ABCG2: variants seen among roughly 807,000 people sequenced by gnomAD.
The protein encoded by ABCG2 is broad substrate specificity ATP-binding cassette transporter ABCG2.
Under a neutral mutation model 73.5 loss-of-function variants are expected in ABCG2, and 80 were observed. The ratio of observed to expected loss-of-function variants is 1.09; its 90% confidence interval spans 0.91 to 1.31. The LOEUF is 1.31. Among genes scored for constraint, ABCG2 ranks in the 50% most tolerant of loss-of-function variants. The pLI is 0.00. For missense variants in ABCG2, 796 were observed against 786.2 expected (o/e 1.01, Z -0.15); for synonymous variants, 269 against 282.4 (o/e 0.95, Z 0.48).
chr4:88,225,136 G>T (rs892746554), intron 1 of ABCG2, among the ~76,000 whole-genome samples: 7 of 152,146 alleles, frequency 4.6e-5, no homozygotes, highest in African/African-American at 1.7e-4. Context: ...AGTTCAAAGA[G>T]TTACAGCAGG....
chr4:88,179,865 T>C lies in ABCG2; in HGVS notation c.-19-39851A>G, dbSNP rs543828520. On this transcript the variant is annotated intron_variant, in intron 1 of 15. Transcript: ENST00000515655. ...AACGAGTGAGCTTGAAGACAGGCTATTTGAAAATACACAGGCAGAGAACAC... is the reference window on the plus strand; with the variant it reads ...AACGAGTGAGCTTGAAGACAGGCTACTTGAAAATACACAGGCAGAGAACAC... Among the ~76,000 whole-genome samples, 8 of 152,186 alleles carry C rather than the reference T, an allele frequency of 5.3e-5. No homozygotes were observed. The South Asian group carries it at 1.2e-3, about 24-fold the overall frequency.
intron 1 of ABCG2, among the ~76,000 whole-genome samples, chr4:88,204,210 A>C (rs1257430416): frequency 6.6e-6 from 1 of 151,994 alleles, no homozygotes; most frequent in African/African-American, 2.4e-5. Flanking sequence ...TCACGGGGTC[A>C]AAAGATCGAG....
chr4:88,152,557 GA>G (rs1165728727), intron 1 of ABCG2, among the ~76,000 whole-genome samples: 2 of 152,156 alleles, frequency 1.3e-5, no homozygotes, highest in Non-Finnish European at 2.9e-5. Flanking sequence ...GAGCCAGAAT[GA>G]GCCAGGAGAA....
chr4:88,131,212 T>A lies in ABCG2; in HGVS notation c.380A>T (p.Asp127Val). The change falls in exon 5 of 16, where the codon GAT becomes GTT. Residue 127 changes from aspartate to valine, a missense_variant and splice_region_variant. Asp to Val is a radical substitution (Grantham distance 152). Transcript: ENST00000237612. ...CGTCAGAGTGCCCATCACAACATCA[T>A]CCTTAAGGCAAATAGCATTTTAATG... Reference protein sequence around the residue: ...FKCNSGYVVQDDVVMGTLTVR... With the variant: ...FKCNSGYVVQVDVVMGTLTVR... 6.2e-7 allele frequency: 1 copy of A among 1,613,842 alleles called. No homozygotes were observed. The highest frequency in any genetic ancestry group is 8.5e-7 in the Non-Finnish European group (1 of 1,179,860).
In ABCG2 at chr4:88,099,431, C is replaced by A. The variant is rs764868968; in HGVS notation, c.1385G>T (p.Gly462Val). ...GAAATAAGATGACACTCTGTAGTAT[C>A]CGCTGATGTATTCATGTCTATAGAA... Reference protein sequence around the residue: ...KKLFIHEYISGYYRVSSYFLG... With the variant: ...KKLFIHEYISVYYRVSSYFLG... The change falls in exon 12 of 16, where the codon GGA (glycine) becomes GTA (valine). Residue 462 changes from glycine to valine, a missense_variant. Physicochemically the swap from Gly to Val is moderately radical, Grantham distance 109. Transcript: ENST00000237612. The A allele has an allele frequency of 1.6e-5, 25 of 1,604,646 alleles. No individual in the cohort carries two copies. In the Admixed American group the frequency reaches 4.3e-4, roughly 28 times the overall value.
chr4:88,121,830 C>A, intron 5 of ABCG2, 38 bp from the exon 6 acceptor site: 1 of 1,590,166 alleles, frequency 6.3e-7, no homozygotes, highest in Non-Finnish European at 8.6e-7. Flanking sequence ...TGATAACAAC[C>A]AGTCATTATC....
intron 15 of ABCG2, among the ~76,000 whole-genome samples, chr4:88,093,099 T>C (rs190403034): frequency 1.0e-3 from 159 of 152,356 alleles, no homozygotes; most frequent in Non-Finnish European, 2.1e-3. Flanking sequence ...GGAAATCATC[T>C]TGTACTAAAA....
chr4:88,201,143 A>T (rs1405603354), intron 1 of ABCG2, among the ~76,000 whole-genome samples: 1 of 151,630 alleles, frequency 6.6e-6, no homozygotes, highest in East Asian at 1.9e-4. Flanking sequence ...GAAAATTAAC[A>T]AAAAAACAAA....
intron 2 of ABCG2, among the ~76,000 whole-genome samples, chr4:88,138,946 G>T (rs545850429): frequency 3.0e-4 from 46 of 152,032 alleles, no homozygotes; most frequent in African/African-American, 9.4e-4. Flanking sequence ...TTCAAGACCA[G>T]CCTGGCCAAC....
At chr4:88,177,219 A>C (rs1728031417) in intron 1 of ABCG2, among the ~76,000 whole-genome samples, 1 of 151,884 alleles carries the variant, frequency 6.6e-6, no homozygotes, top group Admixed American at 6.6e-5. Context: ...AAAAATACAA[A>C]AAAAAATTAG....
intron 1 of ABCG2, among the ~76,000 whole-genome samples, chr4:88,172,853 C>T (rs988386989): frequency 6.6e-6 from 1 of 151,978 alleles, no homozygotes. Context: ...TGAAGATAAG[C>T]TTCCATTCTG....
intron 1 of ABCG2, among the ~76,000 whole-genome samples, chr4:88,186,712 G>A (rs1452436272): frequency 2.0e-5 from 3 of 151,548 alleles, no homozygotes; most frequent in African/African-American, 4.8e-5. Flanking sequence ...GAGGTCAGGA[G>A]ATCGAGACCA....
intron 10 of ABCG2, among the ~76,000 whole-genome samples, chr4:88,104,604 C>T (rs1722652664): frequency 6.6e-6 from 1 of 151,810 alleles, no homozygotes; most frequent in African/African-American, 2.4e-5. Context: ...ACCACCATGG[C>T]ACACGTTTAA....
At chr4:88,184,639 A>C (rs1021997353) in intron 1 of ABCG2, among the ~76,000 whole-genome samples, 1 of 152,208 alleles carries the variant, frequency 6.6e-6, no homozygotes, top group Non-Finnish European at 1.5e-5. Flanking sequence ...AGAAATCTAC[A>C]GATTCAATGC....
chr4:88,192,967 C>T (rs1246073060), intron 1 of ABCG2, among the ~76,000 whole-genome samples: 1 of 151,752 alleles, frequency 6.6e-6, no homozygotes, highest in African/African-American at 2.4e-5. Context: ...CCCGCCTCAG[C>T]CTCCCAAAGT....
Position 88,139,877 on chromosome 4 carries a change from T to A in ABCG2, c.119A>T (p.His40Leu), listed in dbSNP as rs1348206890. 1 of 1,614,184 alleles carries A rather than the reference T, an allele frequency of 6.2e-7. No homozygotes were observed. Among genetic ancestry groups the A allele is most frequent in the Non-Finnish European group, 8.5e-7 (1 of 1,180,028 alleles). The change falls in exon 2 of 16, where the codon CAT (histidine) becomes CTT (leucine). Residue 40 changes from histidine to leucine, a missense_variant. By Grantham distance (99) the His-to-Leu change is moderately conservative. Coordinates refer to ENST00000237612, the MANE Select transcript of ABCG2 (RefSeq NM_004827.3). Reference sequence around the variant, plus strand: ...CAGTTTTACTCGATAGCAGATGTTATGAAAACTTAACACAGCTCCTTCAGT... The same window carrying A: ...CAGTTTTACTCGATAGCAGATGTTAAGAAAACTTAACACAGCTCCTTCAGT... ...AFTEGAVLSF[H>L]NICYRVKLKS...
intron 9 of ABCG2, among the ~76,000 whole-genome samples, chr4:88,109,369 C>A (rs1027653989): frequency 6.6e-6 from 1 of 152,182 alleles, no homozygotes; most frequent in Non-Finnish European, 1.5e-5. Context: ...TATACTAACA[C>A]TGAGTATTAT....
In ABCG2 at chr4:88,097,492, T is replaced by A; in HGVS notation, c.1608A>T (p.Val536=). Residue 536 remains valine, a synonymous_variant, in exon 13 of 16, where the codon GTA becomes GTT. Transcript: ENST00000237612. ...AACAGATGGTCATGAGAAGTGTTGC[T>A]ACAGAAACCACACTCTGACCTGCTG... ...AIAAGQSVVS[V]ATLLMTICFV... 6.2e-7 allele frequency: 1 copy of A among 1,614,168 alleles called. No homozygotes were observed. Among genetic ancestry groups the A allele is most frequent in the African/African-American group, 1.3e-5 (1 of 75,056 alleles).
At chr4:88,185,272 G>A (rs1012792453) in intron 1 of ABCG2, among the ~76,000 whole-genome samples, 3 of 152,204 alleles carry the variant, frequency 2.0e-5, no homozygotes, top group African/African-American at 7.2e-5. Flanking sequence ...GCTGAGGGAG[G>A]AGAATTGCTT....
Sources: gnomAD v4.1 joint callset for allele counts (sites outside exome capture counted in the v4.1 genomes callset) on GRCh38, gnomAD v4.1.1 for gene constraint, MANE v1.5 for transcripts, NCBI Gene and HGNC (gene_info 2026-07-23, HGNC 2026-07-21) for gene names.